Variants in TMEM269 observed in about 807,000 individuals in gnomAD.
TMEM269 encodes transmembrane protein 269.
Under a neutral mutation model 15.8 loss-of-function variants are expected in TMEM269, and 12 were observed. That is an observed-to-expected ratio of 0.76 (90% CI 0.49 to 1.23). The LOEUF (loss-of-function observed/expected upper bound fraction) is 1.23. TMEM269 is among the 50% of genes most tolerant of loss of function. The pLI is 0.00. For synonymous variants in TMEM269, 93 were observed against 99.3 expected (o/e 0.94, Z 0.38); for missense variants, 211 against 245.4 (o/e 0.86, Z 0.94).
At chr1:42,790,919 C>T (rs912136855) in intron 2 of TMEM269, among the ~76,000 whole-genome samples, 4 of 152,242 alleles carry the variant, frequency 2.6e-5, no homozygotes, top group Admixed American at 6.5e-5. Flanking sequence ...TCTGGGTTGC[C>T]TAAGCATTGC....
In TMEM269 at chr1:42,799,798, C is replaced by T. The variant is rs1243120935; in HGVS notation, c.*1573C>T. ...AATGTGATGCTCCCCTTAATCAAAG[C>T]ATTTTAGGAACTCCAATCTGAAAAT... On this transcript the variant is annotated 3_prime_UTR_variant, in exon 6 of 6. Coordinates refer to ENST00000637012, the MANE Select transcript of TMEM269 (RefSeq NM_001354602.2). 1 of 152,210 alleles carries T rather than the reference C, an allele frequency of 6.6e-6. No homozygotes were observed. Among genetic ancestry groups the T allele is most frequent in the Non-Finnish European group, 1.5e-5 (1 of 68,042 alleles). 9.4% of individuals were successfully genotyped at this position (152,210 alleles called of 1,614,324 possible).
In TMEM269 at chr1:42,797,787, G is replaced by A; in HGVS notation, c.485-311G>A. The A allele has an allele frequency of 1.9e-6, 1 of 527,592 alleles. No individual in the cohort carries two copies. Among genetic ancestry groups the A allele is most frequent in the Non-Finnish European group, 3.8e-6 (1 of 265,746 alleles). 32.7% of individuals were successfully genotyped at this position (527,592 alleles called of 1,614,324 possible). On this transcript the variant is annotated intron_variant, in intron 5 of 5. Transcript: ENST00000637012. The surrounding 1 kb of genome is among the most constrained non-coding windows in gnomAD (Gnocchi z 4.9). ...AGGAAGATTTTTTTTTCCTAACAAG[G>A]GTTTTTGGTTTTTGTCTTGGTTTGT...
At chr1:42,789,215 G>C (rs942031627) in intron 1 of TMEM269, 2 of 566,982 alleles carry the variant, frequency 3.5e-6, no homozygotes, top group South Asian at 4.3e-5. Context: ...GAGCCACCGT[G>C]TCCGGCTACA....
chr1:42,798,472 C>A lies in TMEM269; in HGVS notation c.*247C>A, dbSNP rs1264853270. On this transcript the variant is annotated 3_prime_UTR_variant, in exon 6 of 6. Coordinates refer to ENST00000637012, the MANE Select transcript of TMEM269 (RefSeq NM_001354602.2). ...TGTCATGTAGAGCAGAATATCCCCC[C>A]GCCTCAAGCTCAATGTGGGCTGGGT... 4.4e-6 allele frequency: 2 copies of A among 455,498 alleles called. No homozygotes were observed. The highest frequency in any genetic ancestry group is 3.4e-5 in the Admixed American group (1 of 29,250). The allele number at this position is 455,498 out of a possible 1,614,324, so 28.2% of individuals were successfully genotyped here. A position where few individuals can be genotyped will look rare whatever the true frequency, so the allele number is the denominator to read the frequency against.
intron 1 of TMEM269, chr1:42,789,582 T>C (rs1653643524): frequency 7.5e-7 from 1 of 1,340,018 alleles, no homozygotes; most frequent in African/African-American, 1.4e-5. Flanking sequence ...CCCACTCTGC[T>C]GTTGAGCTTT....
chr1:42,794,194 C>T (rs1015536071), intron 4 of TMEM269, among the ~76,000 whole-genome samples: 6 of 152,164 alleles, frequency 3.9e-5, no homozygotes, highest in African/African-American at 1.4e-4. Flanking sequence ...AGCCAGGGCA[C>T]ACCCTGGTCC....
chr1:42,792,434 AG>A (rs1457411587), intron 2 of TMEM269, among the ~76,000 whole-genome samples: 1 of 152,188 alleles, frequency 6.6e-6, no homozygotes, highest in African/African-American at 2.4e-5. Context: ...GATTTACCTA[AG>A]AATTCATAGG....
intron 5 of TMEM269, among the ~76,000 whole-genome samples, chr1:42,795,675 T>C (rs1309933536): frequency 1.3e-5 from 2 of 152,212 alleles, no homozygotes; most frequent in African/African-American, 4.8e-5. Context: ...CTGGTCACAC[T>C]GGGGCCTTGC....
intron 4 of TMEM269, among the ~76,000 whole-genome samples, 179 bp downstream of exon 4, chr1:42,793,923 C>T (rs1014070328): frequency 3.3e-5 from 5 of 152,332 alleles, no homozygotes; most frequent in African/African-American, 9.6e-5. Flanking sequence ...TGGCAGAGCC[C>T]TGGGCTGGGA....
Position 42,794,574 on chromosome 1 carries a change from C to G in TMEM269, c.445C>G (p.Leu149Val), listed in dbSNP as rs1441661600. 6.4e-7 allele frequency: 1 copy of G among 1,550,888 alleles called. No individual in the cohort carries two copies. The highest frequency in any genetic ancestry group is 8.7e-7 in the Non-Finnish European group (1 of 1,147,060). ...DQSYYPYDKI[L>V]ESENWKKLVY... ...GAGCTACTATCCATATGACAAAATC[C>G]TGGAGTCTGAGAACTGGAAAAAATT... Residue 149 changes from leucine to valine, a missense_variant, in exon 5 of 6, where the codon CTG becomes GTG. Coordinates refer to ENST00000637012, the MANE Select transcript of TMEM269 (RefSeq NM_001354602.2).
chr1:42,794,017 T>C (rs543709003), intron 4 of TMEM269, among the ~76,000 whole-genome samples: 17 of 152,200 alleles, frequency 1.1e-4, no homozygotes, highest in Non-Finnish European at 1.9e-4. Context: ...CATTGATTCT[T>C]GGACTAGAAC....
Position 42,798,299 on chromosome 1 carries a change from C to T in TMEM269, c.*74C>T. 8.5e-6 allele frequency: 13 copies of T among 1,524,322 alleles called. No homozygotes were observed. The highest frequency in any genetic ancestry group is 1.1e-5 in the Non-Finnish European group (12 of 1,138,006). 94.4% of individuals were successfully genotyped at this position (1,524,322 alleles called of 1,614,324 possible). ...GTCAGCATATTGGGTCAAGCCTGCACTAAAGCTTTGTATGTACCTGTGTTG... is the reference window on the plus strand; with the variant it reads ...GTCAGCATATTGGGTCAAGCCTGCATTAAAGCTTTGTATGTACCTGTGTTG... On this transcript the variant is annotated 3_prime_UTR_variant, in exon 6 of 6. Coordinates refer to ENST00000637012, the MANE Select transcript of TMEM269 (RefSeq NM_001354602.2).
At chr1:42,792,658 C>T in intron 2 of TMEM269, 147 bp from the exon 3 acceptor site, 1 of 642,488 alleles carries the variant, frequency 1.6e-6, no homozygotes, top group Non-Finnish European at 2.8e-6. Flanking sequence ...GTGTGGGGGA[C>T]ATGAAGAGGT....
intron 5 of TMEM269, among the ~76,000 whole-genome samples, chr1:42,795,156 T>C (rs926949047): frequency 1.6e-4 from 24 of 152,274 alleles, no homozygotes; most frequent in African/African-American, 5.8e-4. Context: ...GCAGGTGTCA[T>C]TTAAGTGAGA....
Position 42,786,674 on chromosome 1 carries a change from C to T in TMEM269, c.-99+1592C>T, listed in dbSNP as rs79634423. Among the ~76,000 whole-genome samples the T allele has an allele frequency of 8.0e-3, 1,223 of 152,310 alleles. 17 individuals are homozygous for T. The highest frequency in any genetic ancestry group is 0.028 in the African/African-American group (1,173 of 41,568). On this transcript the variant is annotated intron_variant, in intron 1 of 5. Coordinates refer to ENST00000637012, the MANE Select transcript of TMEM269 (RefSeq NM_001354602.2). ...CCCCGTGGCAGGCTGAGCCCCTTTT[C>T]GGTGCTCCATTAGTAGCCCGGTCGC...
chr1:42,797,744 G>A lies in TMEM269; in HGVS notation c.485-354G>A. The A allele has an allele frequency of 2.1e-6, 1 of 479,918 alleles. No homozygotes were observed. The highest frequency in any genetic ancestry group is 1.6e-5 in the South Asian group (1 of 64,218). The allele number at this position is 479,918 out of a possible 1,614,324, so 29.7% of individuals were successfully genotyped here. A position where few individuals can be genotyped will look rare whatever the true frequency, so the allele number is the denominator to read the frequency against. ...CATACTGCATTGGTCGTTATCACATGTTAAATTTAAAACAATGAGGAAGAT... is the reference window on the plus strand; with the variant it reads ...CATACTGCATTGGTCGTTATCACATATTAAATTTAAAACAATGAGGAAGAT... On this transcript the variant is annotated intron_variant, in intron 5 of 5. Coordinates refer to ENST00000637012, the MANE Select transcript of TMEM269 (RefSeq NM_001354602.2). This position sits in a 1 kb window ranked among gnomAD's most constrained non-coding sequence, Gnocchi z 4.9.
In TMEM269 at chr1:42,798,137, C is replaced by T. The variant is rs752484467; in HGVS notation, c.524C>T (p.Ala175Val). The T allele has an allele frequency of 5.4e-5, 84 of 1,550,964 alleles. No individual in the cohort carries two copies. Among genetic ancestry groups the T allele is most frequent in the Non-Finnish European group, 7.2e-5 (83 of 1,147,158 alleles). The change falls in exon 6 of 6, where the codon GCT becomes GTT. Residue 175 changes from alanine to valine, a missense_variant. Coordinates refer to ENST00000637012, the MANE Select transcript of TMEM269 (RefSeq NM_001354602.2). Reference sequence around the variant, plus strand: ...TTTTTCTCCCCATTGTCTCTGTCTGCTTTTTACTGCCTGATGTGGTCGCTC... The same window carrying T: ...TTTTTCTCCCCATTGTCTCTGTCTGTTTTTTACTGCCTGATGTGGTCGCTC... ...MLFFSPLSLS[A>V]FYCLMWSLSY...
At chr1:42,798,069 T>C (rs1653818565) in intron 5 of TMEM269, 29 bp from the exon 6 acceptor site, 1 of 1,550,896 alleles carries the variant, frequency 6.4e-7, no homozygotes. Context: ...TTCCTAGAAA[T>C]TGAGTGTCTG....
Position 42,798,138 on chromosome 1 carries a change from T to A in TMEM269, c.525T>A (p.Ala175=). The change falls in exon 6 of 6, where the codon GCT becomes GCA. Residue 175 remains alanine, a synonymous_variant. Transcript: ENST00000637012. ...MLFFSPLSLS[A]FYCLMWSLSY... ...TTTTCTCCCCATTGTCTCTGTCTGC[T>A]TTTTACTGCCTGATGTGGTCGCTCT... The A allele has an allele frequency of 6.4e-7, 1 of 1,551,144 alleles. No individual in the cohort carries two copies. Among genetic ancestry groups the A allele is most frequent in the Non-Finnish European group, 8.7e-7 (1 of 1,147,142 alleles).
Sources: gnomAD v4.1 joint callset for allele counts (sites outside exome capture counted in the v4.1 genomes callset) on GRCh38, gnomAD v4.1.1 for gene constraint, Gnocchi (gnomAD v3.1) non-coding constraint, MANE v1.5 for transcripts, NCBI Gene and HGNC (gene_info 2026-07-23, HGNC 2026-07-21) for gene names.